Variants in SGCD observed in about 807,000 individuals in gnomAD.
SGCD encodes the protein sarcoglycan delta.
SGCD carries 18 observed loss-of-function variants against 36.6 expected under a neutral mutation model. The ratio of observed to expected loss-of-function variants is 0.49; its 90% CI spans 0.34 to 0.73. The LOEUF (loss-of-function observed/expected upper bound fraction) is 0.73. SGCD is among the 30% of genes least tolerant of loss of function. SGCD has a pLI of 0.01. For missense variants in SGCD, 387 were observed against 346.7 expected (o/e 1.12, Z -0.92); for synonymous variants, 133 against 130.6 (o/e 1.02, Z -0.12).
intron 1 of SGCD, among the ~76,000 whole-genome samples, chr5:155,890,677 T>TAGATAGACAGAC (rs1554102514): frequency 2.6e-4 from 39 of 150,566 alleles, no homozygotes; most frequent in Non-Finnish European, 5.3e-4. Context: ...GATAGATAGA[T>TAGATAGACAGAC]AGACAGATAG....
chr5:156,541,646 T>C (rs764932748), intron 4 of SGCD, among the ~76,000 whole-genome samples: 1 of 152,088 alleles, frequency 6.6e-6, no homozygotes, highest in Admixed American at 6.6e-5. Context: ...GGGCGCATCA[T>C]AAGAAGAAAA....
chr5:156,455,735 A>G (rs1409997708), intron 3 of SGCD, among the ~76,000 whole-genome samples: 2 of 152,232 alleles, frequency 1.3e-5, no homozygotes, highest in Non-Finnish European at 2.9e-5. Flanking sequence ...AAATGTATCA[A>G]AGTCCTAACT....
chr5:155,785,435 A>T, the SGCD span, among the ~76,000 whole-genome samples: 2 of 152,138 alleles, frequency 1.3e-5, no homozygotes, highest in Non-Finnish European at 2.9e-5. Context: ...GGAAACATAC[A>T]AAATCCTCTC....
At chr5:155,746,998 T>C in the SGCD span, among the ~76,000 whole-genome samples, 1 of 152,174 alleles carries the variant, frequency 6.6e-6, no homozygotes, top group Admixed American at 6.5e-5. Flanking sequence ...ATGAATGTTT[T>C]GGGTGGTCTC....
intron 2 of SGCD, among the ~76,000 whole-genome samples, chr5:156,332,231 C>G (rs1053436488): frequency 6.6e-6 from 1 of 152,182 alleles, no homozygotes; most frequent in Non-Finnish European, 1.5e-5. Flanking sequence ...AACCCAAAGG[C>G]TTGGACTATA....
upstream of SGCD, among the ~76,000 whole-genome samples, chr5:155,865,543 T>C (rs542741712): frequency 3.1e-3 from 468 of 152,298 alleles, 4 homozygotes; most frequent in African/African-American, 0.011. Flanking sequence ...GAAAAGTTAG[T>C]TGCATTGTGG....
rs115189539 is a variant in SGCD, at chr5:155,910,616, G to C, written c.-282+40192G>C. On this transcript the variant is annotated intron_variant, in intron 1 of 9. Coordinates refer to the SGCD transcript ENST00000517913. ...AGCACAATACTAGAATAGCAAATTT[G>C]AGTGAGCCAGTACAAGGGAACTGCC... is the stretch of plus-strand genomic sequence containing the variant. 2.2e-3 allele frequency among the ~76,000 whole-genome samples: 331 copies of C among 152,194 alleles called. 3 individuals carry two copies. Among genetic ancestry groups the C allele is most frequent in the African/African-American group, 7.8e-3 (325 of 41,546 alleles).
At chr5:156,141,915 C>G (rs997894792) in intron 3 of SGCD, among the ~76,000 whole-genome samples, 5 of 152,032 alleles carry the variant, frequency 3.3e-5, no homozygotes, top group Non-Finnish European at 2.9e-5. Flanking sequence ...AGCAGTGGAG[C>G]AGTTTCCTTC....
At chr5:156,732,048 G>A (rs184180132) in intron 7 of SGCD, among the ~76,000 whole-genome samples, 1 of 152,118 alleles carries the variant, frequency 6.6e-6, no homozygotes, top group South Asian at 2.1e-4. Context: ...TTTGGGCTAA[G>A]ACCATGGGGT....
intron 3 of SGCD, among the ~76,000 whole-genome samples, chr5:156,230,422 G>A (rs1458378010): frequency 2.0e-5 from 3 of 152,048 alleles, no homozygotes; most frequent in Non-Finnish European, 4.4e-5. Flanking sequence ...GGCTTCCTGC[G>A]AGCTGAGCTG....
chr5:156,694,282 C>G (rs1247237136), intron 7 of SGCD, among the ~76,000 whole-genome samples: 1 of 152,176 alleles, frequency 6.6e-6, no homozygotes, highest in Non-Finnish European at 1.5e-5. Context: ...TTGAGGTGAG[C>G]TTGTTGGATT....
chr5:156,138,080 G>T (rs2127609093), intron 3 of SGCD, among the ~76,000 whole-genome samples: 1 of 152,196 alleles, frequency 6.6e-6, no homozygotes, highest in South Asian at 2.1e-4. Context: ...TCCCACTGAG[G>T]CCGCCAGTGT....
At chr5:156,131,141 G>C (rs1762310935) in intron 3 of SGCD, among the ~76,000 whole-genome samples, 1 of 152,198 alleles carries the variant, frequency 6.6e-6, no homozygotes, top group South Asian at 2.1e-4. Context: ...TGTTTTCTCA[G>C]GGTGAACCTT....
chr5:156,241,494 A>T (rs1486004694), intron 3 of SGCD, among the ~76,000 whole-genome samples: 3 of 152,206 alleles, frequency 2.0e-5, no homozygotes, highest in Non-Finnish European at 4.4e-5. Context: ...ATGTATGCAT[A>T]AACCATGATG....
chr5:155,781,239 GA>G, the SGCD span, among the ~76,000 whole-genome samples: 1 of 152,222 alleles, frequency 6.6e-6, no homozygotes, highest in East Asian at 1.9e-4. Context: ...TTTTGTTGAA[GA>G]TTTTTTTGGT....
At chr5:155,996,005 AAAG>A (rs1758533623) in intron 1 of SGCD, among the ~76,000 whole-genome samples, 3 of 147,634 alleles carry the variant, frequency 2.0e-5, no homozygotes, top group East Asian at 2.0e-4. Context: ...AAAAAAAAAA[AAAG>A]AACTTACAAA....
At chr5:156,346,808 T>A (rs28514554) in intron 3 of SGCD, among the ~76,000 whole-genome samples, 1 of 151,936 alleles carries the variant, frequency 6.6e-6, no homozygotes, top group African/African-American at 2.4e-5. Flanking sequence ...TATTTTTTTA[T>A]TTTTTGTGAG....
intron 7 of SGCD, among the ~76,000 whole-genome samples, chr5:156,745,692 A>G (rs1428342875): frequency 6.6e-6 from 1 of 152,184 alleles, no homozygotes. Flanking sequence ...AAACACAGGA[A>G]TAAATTAACA....
intron 4 of SGCD, among the ~76,000 whole-genome samples, chr5:156,544,670 G>T (rs1377842943): frequency 1.3e-5 from 2 of 151,820 alleles, no homozygotes; most frequent in Non-Finnish European, 2.9e-5. Context: ...CATAAATATG[G>T]GTATCGAGTT....
Sources: gnomAD v4.1 joint callset for allele counts (sites outside exome capture counted in the v4.1 genomes callset) on GRCh38, gnomAD v4.1.1 for gene constraint, MANE v1.5 for transcripts, NCBI Gene and HGNC (gene_info 2026-07-23, HGNC 2026-07-21) for gene names.